CCDC178: variants seen among roughly 807,000 people sequenced by gnomAD.
CCDC178 encodes coiled-coil domain containing 178.
A neutral mutation model predicts 117.4 loss-of-function variants in CCDC178; 126 were observed. That is an observed-to-expected ratio of 1.07 (90% CI 0.93 to 1.24). The LOEUF is 1.24. Among genes scored for constraint, CCDC178 ranks in the 50% most tolerant of loss-of-function variants. The probability of loss-of-function intolerance (pLI) is 0.00; values close to 1 mark genes in which losing one functional copy is unlikely to be tolerated. For missense variants in CCDC178, 1,030 were observed against 986.9 expected (o/e 1.04, Z -0.59); for synonymous variants, 283 against 313.4 (o/e 0.90, Z 1.02).
At chr18:33,245,849 A>C (rs1013804175) in intron 14 of CCDC178, among the ~76,000 whole-genome samples, 1 of 151,940 alleles carries the variant, frequency 6.6e-6, no homozygotes, top group Non-Finnish European at 1.5e-5. Context: ...GATATTATTA[A>C]CATTTGTGGT....
intron 20 of CCDC178, among the ~76,000 whole-genome samples, chr18:33,130,131 C>T (rs1318267629): frequency 5.3e-5 from 8 of 151,694 alleles, no homozygotes; most frequent in Non-Finnish European, 1.2e-4. Context: ...TAGTTGTAGA[C>T]ATAAGTGTAA....
At chr18:33,147,788 C>T (rs903893220) in intron 20 of CCDC178, among the ~76,000 whole-genome samples, 1 of 152,178 alleles carries the variant, frequency 6.6e-6, no homozygotes, top group Non-Finnish European at 1.5e-5. Flanking sequence ...GACACAGCAA[C>T]AATCTGATTT....
At chr18:33,267,124 T>A in intron 13 of CCDC178, 72 bp from the exon 14 acceptor site, 1 of 1,521,644 alleles carries the variant, frequency 6.6e-7, no homozygotes, top group South Asian at 1.3e-5. Flanking sequence ...AATAATGAAA[T>A]CACTTTTAGA....
At chr18:33,155,255 A>G (rs2058380635) in intron 20 of CCDC178, among the ~76,000 whole-genome samples, 1 of 152,156 alleles carries the variant, frequency 6.6e-6, no homozygotes, top group Non-Finnish European at 1.5e-5. Flanking sequence ...ACATTTCTAA[A>G]TATCTCATGG....
At chr18:33,012,712 A>G (rs2055896101) in intron 21 of CCDC178, among the ~76,000 whole-genome samples, 1 of 152,116 alleles carries the variant, frequency 6.6e-6, no homozygotes, top group Non-Finnish European at 1.5e-5. Flanking sequence ...TAAATTTCAT[A>G]TTTTAGTTTT....
At chr18:33,429,998 T>C (rs1158423085) in intron 2 of CCDC178, among the ~76,000 whole-genome samples, 3 of 152,306 alleles carry the variant, frequency 2.0e-5, no homozygotes, top group Non-Finnish European at 2.9e-5. Flanking sequence ...AGTATGTATT[T>C]AGATAATAAT....
intron 20 of CCDC178, among the ~76,000 whole-genome samples, chr18:33,169,302 A>T (rs2058569663): frequency 6.6e-6 from 1 of 152,192 alleles, no homozygotes; most frequent in South Asian, 2.1e-4. Context: ...TTACTGGGAG[A>T]TTTAAGCTAG....
At chr18:33,370,267 T>A (rs1439530159) in intron 5 of CCDC178, 78 bp from the exon 6 acceptor site, 3 of 1,053,588 alleles carry the variant, frequency 2.8e-6, no homozygotes, top group South Asian at 1.8e-5. Context: ...AGCAAAAAAA[T>A]TCTGCTTTAT....
At chr18:33,152,641 C>A (rs1282382986) in intron 20 of CCDC178, among the ~76,000 whole-genome samples, 1 of 152,020 alleles carries the variant, frequency 6.6e-6, no homozygotes, top group Non-Finnish European at 1.5e-5. Context: ...TCTCTCATCC[C>A]AGCCAAGCTA....
chr18:33,065,127 T>A (rs2056989613), intron 21 of CCDC178, among the ~76,000 whole-genome samples: 1 of 148,754 alleles, frequency 6.7e-6, no homozygotes, highest in Admixed American at 6.7e-5. Context: ...AGGGGAGAGG[T>A]TGGTCAATGA....
chr18:33,378,011 G>A (rs955355187), intron 5 of CCDC178, among the ~76,000 whole-genome samples: 4 of 152,108 alleles, frequency 2.6e-5, no homozygotes, highest in Non-Finnish European at 4.4e-5. Flanking sequence ...TAGAAATAGC[G>A]TTGAATATGT....
chr18:33,045,713 T>C (rs1266247130), intron 21 of CCDC178, among the ~76,000 whole-genome samples: 1 of 152,214 alleles, frequency 6.6e-6, no homozygotes, highest in Non-Finnish European at 1.5e-5. Flanking sequence ...TTACTTTCAC[T>C]TACAAAGCCG....
intron 19 of CCDC178, among the ~76,000 whole-genome samples, chr18:33,213,797 G>A (rs568291028): frequency 1.4e-4 from 22 of 151,948 alleles, no homozygotes; most frequent in Non-Finnish European, 3.2e-4. Context: ...TTAAATGAGG[G>A]TCAAGGATGG....
At chr18:33,371,071 T>C (rs2063290925) in intron 5 of CCDC178, among the ~76,000 whole-genome samples, 2 of 152,038 alleles carry the variant, frequency 1.3e-5, no homozygotes, top group Admixed American at 1.3e-4. Flanking sequence ...GAAATAATCC[T>C]GTTGCGTTTT....
At chr18:33,290,850 A>C (rs1199351180) in intron 12 of CCDC178, among the ~76,000 whole-genome samples, 1 of 152,104 alleles carries the variant, frequency 6.6e-6, no homozygotes, top group Non-Finnish European at 1.5e-5. Context: ...AAATATATAA[A>C]GAAAACTCAT....
At chr18:33,319,386 G>A (rs1447396874) in intron 11 of CCDC178, among the ~76,000 whole-genome samples, 2 of 151,728 alleles carry the variant, frequency 1.3e-5, no homozygotes. Context: ...ATTTTTTATG[G>A]TTGCATAGTA....
intron 22 of CCDC178, among the ~76,000 whole-genome samples, chr18:32,952,254 G>A (rs1389318813): frequency 6.6e-6 from 1 of 152,244 alleles, no homozygotes; most frequent in African/African-American, 2.4e-5. Flanking sequence ...CTTCTGCACT[G>A]CCCTAGCAGA....
intron 22 of CCDC178, among the ~76,000 whole-genome samples, chr18:32,953,622 T>G (rs1437783954): frequency 6.6e-6 from 1 of 152,190 alleles, no homozygotes; most frequent in Admixed American, 6.5e-5. Flanking sequence ...TTACCAAAGT[T>G]AAAAATGATG....
intron 21 of CCDC178, among the ~76,000 whole-genome samples, chr18:33,011,370 G>A (rs2055859546): frequency 6.6e-6 from 1 of 152,062 alleles, no homozygotes; most frequent in South Asian, 2.1e-4. Context: ...CACAGTAGCT[G>A]CAGCCATTTG....
Sources: allele counts gnomAD v4.1 joint callset (sites outside exome capture counted in the v4.1 genomes callset), GRCh38; gene constraint gnomAD v4.1.1; transcripts MANE v1.5; gene names NCBI Gene and HGNC (gene_info 2026-07-23, HGNC 2026-07-21).